Variants in HEATR5B observed in about 807,000 individuals in gnomAD.
HEATR5B encodes the protein HEAT repeat-containing protein 5B.
In HEATR5B, 156 loss-of-function variants were observed where a neutral mutation model predicts 224.1. The ratio of observed to expected loss-of-function variants is 0.70; its 90% CI spans 0.61 to 0.80. The LOEUF (loss-of-function observed/expected upper bound fraction) is 0.80. HEATR5B is among the 30% of genes least tolerant of loss of function. The pLI is 0.00. For missense variants in HEATR5B, 2,323 were observed against 2,535.5 expected, an observed-to-expected ratio of 0.92 and a Z score of 1.80; for synonymous variants, 1,027 against 893.0, an observed-to-expected ratio of 1.15 and a Z score of -2.68.
Position 36,981,298 on chromosome 2 carries a change from C to A in HEATR5B, c.*192G>T. The A allele has an allele frequency of 2.2e-6, 1 of 451,346 alleles. No individual in the cohort carries two copies. Among genetic ancestry groups the A allele is most frequent in the Non-Finnish European group, 3.9e-6 (1 of 257,890 alleles). 28.0% of individuals were successfully genotyped at this position (451,346 alleles called of 1,614,324 possible). A position where few individuals can be genotyped will look rare whatever the true frequency, so the allele number is the denominator to read the frequency against. On this transcript the variant is annotated 3_prime_UTR_variant, in exon 36 of 36. Transcript: ENST00000233099. ...TAGGAGGAAAATGAAAACATATTCA[C>A]CACATGATAAAAAAAATCACTCCTT...
At chr2:37,035,724 T>C (rs1669436179) in intron 21 of HEATR5B, among the ~76,000 whole-genome samples, 1 of 152,198 alleles carries the variant, frequency 6.6e-6, no homozygotes, top group East Asian at 1.9e-4. Context: ...TCCTCAATCA[T>C]GACTCTCTCC....
At chr2:37,014,471 T>C (rs1667989015) in intron 26 of HEATR5B, among the ~76,000 whole-genome samples, 1 of 151,928 alleles carries the variant, frequency 6.6e-6, no homozygotes, top group Non-Finnish European at 1.5e-5. Flanking sequence ...CAGTATTATT[T>C]TTTATATCAA....
At position 37,057,499 on chromosome 2, in the gene HEATR5B, G is replaced by C. The variant is rs781565438; in HGVS notation, c.2060-19C>G. On this transcript the variant is annotated intron_variant, in intron 14 of 35. Transcript: ENST00000233099. ...AAAGATCCTAAAAAACAGAACTTCA[G>C]ATCAGATTAAAAAGAATAATTTTTG... 1.2e-5 allele frequency: 19 copies of C among 1,566,156 alleles called. No homozygotes were observed. In the South Asian group the frequency reaches 1.6e-4, roughly 13 times the overall value.
chr2:37,041,511 T>A (rs1189601642), intron 18 of HEATR5B, among the ~76,000 whole-genome samples: 1 of 152,186 alleles, frequency 6.6e-6, no homozygotes, highest in Non-Finnish European at 1.5e-5. Flanking sequence ...TTTGGGAGGC[T>A]GAGGCCGGTG....
At chr2:37,008,474 T>G (rs1052887349) in intron 28 of HEATR5B, 137 bp downstream of exon 28, 8 of 669,698 alleles carry the variant, frequency 1.2e-5, no homozygotes, top group Non-Finnish European at 2.1e-5. Context: ...ATATTCTAAC[T>G]GAGACAACAT....
intron 33 of HEATR5B, among the ~76,000 whole-genome samples, chr2:36,995,922 T>C (rs894120294): frequency 2.0e-5 from 3 of 152,036 alleles, no homozygotes; most frequent in Non-Finnish European, 4.4e-5. Flanking sequence ...GTCTTGCTTT[T>C]TTGCCCAGGC....
chr2:37,057,615 T>C, intron 14 of HEATR5B, 135 bp from the exon 15 acceptor site: 1 of 559,722 alleles, frequency 1.8e-6, no homozygotes, highest in South Asian at 3.0e-5. Context: ...AAAAAAAATC[T>C]ATATTTAAAT....
intron 26 of HEATR5B, among the ~76,000 whole-genome samples, chr2:37,017,949 A>C (rs980129896): frequency 2.0e-5 from 3 of 152,124 alleles, no homozygotes; most frequent in Non-Finnish European, 4.4e-5. Context: ...TACTGTACCC[A>C]GTTGTGTGAC....
At chr2:36,993,771 T>C (rs1052431985) in intron 33 of HEATR5B, among the ~76,000 whole-genome samples, 2 of 151,948 alleles carry the variant, frequency 1.3e-5, no homozygotes, top group Non-Finnish European at 2.9e-5. Flanking sequence ...TGCTAAGATA[T>C]AACATTACTT....
intron 18 of HEATR5B, among the ~76,000 whole-genome samples, chr2:37,048,453 G>C (rs1670338338): frequency 6.6e-6 from 1 of 151,766 alleles, no homozygotes; most frequent in African/African-American, 2.4e-5. Flanking sequence ...CCAAAGTGCT[G>C]GGATTATAGG....
chr2:37,040,315 G>C lies in HEATR5B; in HGVS notation c.3046+14C>G, dbSNP rs184896535. Reference sequence around the variant, plus strand: ...TATCTAACTAGGTTCCTTAATTTCAGATGATTTACTTACCTTGTAGTTCAG... The same window carrying C: ...TATCTAACTAGGTTCCTTAATTTCACATGATTTACTTACCTTGTAGTTCAG... On this transcript the variant is annotated intron_variant, in intron 20 of 35. Coordinates refer to ENST00000233099, the MANE Select transcript of HEATR5B (RefSeq NM_019024.3). 1 of 1,596,856 alleles carries C rather than the reference G, an allele frequency of 6.3e-7. No individual in the cohort carries two copies. Among genetic ancestry groups the C allele is most frequent in the East Asian group, 2.2e-5 (1 of 44,736 alleles).
At chr2:37,073,226 A>G (rs1672015682) in intron 5 of HEATR5B, among the ~76,000 whole-genome samples, 1 of 152,228 alleles carries the variant, frequency 6.6e-6, no homozygotes. Context: ...TAATACAATA[A>G]TATATAATAA....
chr2:37,003,796 A>C, intron 30 of HEATR5B, 110 bp from the exon 31 acceptor site: 2 of 671,518 alleles, frequency 3.0e-6, no homozygotes, highest in Admixed American at 7.3e-5. Flanking sequence ...CAGGTAGCTA[A>C]AATTAAAATA....
In HEATR5B at chr2:37,020,963, G is replaced by A. The variant is rs542305092; in HGVS notation, c.3854-127C>T. 33 of 586,704 alleles carry A rather than the reference G, an allele frequency of 5.6e-5. 1 individual carries two copies. In the South Asian group the frequency reaches 8.5e-4, roughly 15 times the overall value. 36.3% of individuals were successfully genotyped at this position (586,704 alleles called of 1,614,324 possible). ...CACATATTTCACAACTTTGAAAATA[G>A]CAAAGATATTATATTCTTTCAAGAC... On this transcript the variant is annotated intron_variant, in intron 24 of 35. Transcript: ENST00000233099.
At chr2:37,025,617 G>A (rs2148453247) in intron 24 of HEATR5B, among the ~76,000 whole-genome samples, 1 of 152,022 alleles carries the variant, frequency 6.6e-6, no homozygotes, top group African/African-American at 2.4e-5. Context: ...AAAAATTAAA[G>A]CAGACTTAAG....
intron 18 of HEATR5B, among the ~76,000 whole-genome samples, chr2:37,047,937 G>A (rs1199871786): frequency 6.6e-6 from 1 of 152,110 alleles, no homozygotes; most frequent in Non-Finnish European, 1.5e-5. Flanking sequence ...GAATTAAAAT[G>A]CTGCCAAATA....
chr2:37,048,280 G>T (rs1272692301), intron 18 of HEATR5B, among the ~76,000 whole-genome samples: 2 of 151,556 alleles, frequency 1.3e-5, no homozygotes, highest in African/African-American at 4.9e-5. Context: ...CACCTCCCAG[G>T]CTCAAGCGAT....
At chr2:36,999,214 A>G (rs1666925684) in intron 33 of HEATR5B, among the ~76,000 whole-genome samples, 1 of 152,070 alleles carries the variant, frequency 6.6e-6, no homozygotes, top group African/African-American at 2.4e-5. Flanking sequence ...GCGAGACGCC[A>G]TCTCAAAAAA....
chr2:37,071,130 ACATCATCATCATCATCAT>A (rs57358811), intron 6 of HEATR5B, among the ~76,000 whole-genome samples: 2 of 151,084 alleles, frequency 1.3e-5, no homozygotes, highest in Non-Finnish European at 2.9e-5. Flanking sequence ...TTAAAACATT[ACATCATCATCATCATCAT>A]CATCATCATC....
Sources: allele counts gnomAD v4.1 joint callset (sites outside exome capture counted in the v4.1 genomes callset), GRCh38; gene constraint gnomAD v4.1.1; transcripts MANE v1.5; gene names NCBI Gene and HGNC (gene_info 2026-07-23, HGNC 2026-07-21).